The following CPPED1 variants were observed in gnomAD, a reference collection of about 807,000 sequenced individuals.
CPPED1 encodes serine/threonine-protein phosphatase CPPED1.
A neutral mutation model predicts 28.0 loss-of-function variants in CPPED1; 28 were observed. The observed-to-expected ratio is 1.00, with a 90% confidence interval of 0.74 to 1.37. The LOEUF is 1.37. Ranked by LOEUF, CPPED1 falls within the 40% of genes most tolerant of loss-of-function variation. The pLI is 0.00. For missense variants in CPPED1, 504 were observed against 416.5 expected (o/e 1.21, Z -1.83); for synonymous variants, 198 against 180.2 (o/e 1.10, Z -0.79).
intron 3 of CPPED1, among the ~76,000 whole-genome samples, chr16:12,693,363 T>A (rs1387489187): frequency 6.6e-6 from 1 of 152,034 alleles, no homozygotes; most frequent in Non-Finnish European, 1.5e-5. Flanking sequence ...CTGGACTCAT[T>A]TTTTGTGTTT....
intron 2 of CPPED1, among the ~76,000 whole-genome samples, chr16:12,710,240 C>G (rs1014437858): frequency 6.6e-6 from 1 of 151,902 alleles, no homozygotes; most frequent in African/African-American, 2.4e-5. Flanking sequence ...AGAGGTTTAA[C>G]AAGAAGGATT....
intron 2 of CPPED1, chr16:12,753,092 T>A (rs1446081574): frequency 2.0e-5 from 3 of 151,438 alleles, no homozygotes; most frequent in African/African-American, 2.4e-5. Flanking sequence ...ATGATCTAAA[T>A]TTTTTTTTAC....
intron 2 of CPPED1, among the ~76,000 whole-genome samples, chr16:12,769,565 T>C (rs1297046179): frequency 6.6e-6 from 1 of 152,118 alleles, no homozygotes; most frequent in Non-Finnish European, 1.5e-5. Context: ...GTTCCCTAAT[T>C]AGTCATATAA....
chr16:12,794,417 A>C (rs1345267741), intron 1 of CPPED1, among the ~76,000 whole-genome samples: 1 of 151,914 alleles, frequency 6.6e-6, no homozygotes, highest in Admixed American at 6.6e-5. Flanking sequence ...CAGTTGTTAA[A>C]GGAAAAAAAA....
chr16:12,730,409 C>G (rs1012055072), intron 2 of CPPED1, among the ~76,000 whole-genome samples: 2 of 152,214 alleles, frequency 1.3e-5, no homozygotes, highest in African/African-American at 2.4e-5. Flanking sequence ...AAACCCACAT[C>G]TTCCCGATGA....
At chr16:12,767,398 A>T (rs1053663743) in intron 2 of CPPED1, among the ~76,000 whole-genome samples, 2 of 151,998 alleles carry the variant, frequency 1.3e-5, no homozygotes, top group Non-Finnish European at 2.9e-5. Context: ...TCATTCAGTC[A>T]CCCTCACGAA....
At chr16:12,749,750 G>C (rs1047080042) in intron 2 of CPPED1, among the ~76,000 whole-genome samples, 1 of 152,116 alleles carries the variant, frequency 6.6e-6, no homozygotes, top group East Asian at 1.9e-4. Context: ...ACCATACCTG[G>C]CTAATTTTTG....
At chr16:12,800,401 C>G (rs892573700) in intron 1 of CPPED1, among the ~76,000 whole-genome samples, 1 of 145,124 alleles carries the variant, frequency 6.9e-6, no homozygotes, top group Non-Finnish European at 1.5e-5. Context: ...CACTGCACTG[C>G]AGTCTGGGTG....
At chr16:12,740,740 A>G (rs1238585629) in intron 2 of CPPED1, among the ~76,000 whole-genome samples, 1 of 152,194 alleles carries the variant, frequency 6.6e-6, no homozygotes, top group East Asian at 1.9e-4. Flanking sequence ...GGGGTGAAGG[A>G]GAGAATCCCT....
chr16:12,684,799 C>T (rs989273859), intron 3 of CPPED1, among the ~76,000 whole-genome samples: 1 of 152,190 alleles, frequency 6.6e-6, no homozygotes, highest in Non-Finnish European at 1.5e-5. Context: ...CAGAGAGCGG[C>T]CGCTCTGTGA....
At chr16:12,730,912 C>G (rs1345757616) in intron 2 of CPPED1, among the ~76,000 whole-genome samples, 1 of 152,112 alleles carries the variant, frequency 6.6e-6, no homozygotes, top group African/African-American at 2.4e-5. Context: ...TGAGAAACCT[C>G]AATTTTTAGC....
At chr16:12,714,751 T>C (rs932485529) in intron 2 of CPPED1, among the ~76,000 whole-genome samples, 4 of 152,194 alleles carry the variant, frequency 2.6e-5, no homozygotes, top group Admixed American at 1.3e-4. Flanking sequence ...GGCTGTCTTT[T>C]CACTTTTTTG....
chr16:12,664,808 G>A lies in CPPED1; in HGVS notation c.*78C>T, dbSNP rs2079815531. 14 of 1,581,956 alleles carry A rather than the reference G, an allele frequency of 8.8e-6. No homozygotes were observed. In the South Asian group the frequency reaches 1.5e-4, roughly 17 times the overall value. ...CTGGGCTATTTTTATATTTCAGCAA[G>A]AGGTTGTGTGCAGCTGCTGTTTCTG... On this transcript the variant is annotated 3_prime_UTR_variant, in exon 4 of 4. Coordinates refer to ENST00000381774, the MANE Select transcript of CPPED1 (RefSeq NM_018340.3). The surrounding 1 kb of genome is among the most constrained non-coding windows in gnomAD (Gnocchi z 4.2).
chr16:12,668,732 T>C (rs1370233611), intron 3 of CPPED1, among the ~76,000 whole-genome samples: 3 of 152,244 alleles, frequency 2.0e-5, no homozygotes, highest in African/African-American at 7.2e-5. Flanking sequence ...CATGAAAAGA[T>C]GCTCAACATC....
chr16:12,668,854 A>C (rs183717183), intron 3 of CPPED1, among the ~76,000 whole-genome samples: 21 of 152,364 alleles, frequency 1.4e-4, no homozygotes, highest in African/African-American at 5.1e-4. Context: ...GGATTTGGAG[A>C]AATTAGAACC....
intron 3 of CPPED1, among the ~76,000 whole-genome samples, chr16:12,695,490 C>G (rs554916490): frequency 6.6e-6 from 1 of 152,076 alleles, no homozygotes; most frequent in Non-Finnish European, 1.5e-5. Flanking sequence ...GGGCTAGTCT[C>G]GAACTCTTAG....
intron 2 of CPPED1, among the ~76,000 whole-genome samples, chr16:12,740,362 T>A (rs2080248715): frequency 6.6e-6 from 1 of 151,508 alleles, no homozygotes; most frequent in Admixed American, 6.6e-5. Context: ...GGAGAATCTC[T>A]TGAACCTGGG....
intron 2 of CPPED1, among the ~76,000 whole-genome samples, chr16:12,763,602 G>A (rs1465674113): frequency 2.0e-5 from 3 of 152,086 alleles, no homozygotes; most frequent in South Asian, 2.1e-4. Context: ...CCTATGATGC[G>A]AGTACCATTA....
rs1242203689 is a variant in CPPED1, at chr16:12,690,836, C to T, written c.715+13788G>A. On this transcript the variant is annotated intron_variant, in intron 3 of 3. Transcript: ENST00000381774. The stretch of plus-strand genomic sequence containing the variant: ...TGTATTCCACACCAAGTAGGCTCCA[C>T]GGACCCTCACTTGGCAGATCCCTTT... 2.6e-5 allele frequency among the ~76,000 whole-genome samples: 4 copies of T among 152,300 alleles called. No homozygotes were observed. In the East Asian group the frequency reaches 7.7e-4, roughly 30 times the overall value.
Sources: gnomAD v4.1 joint callset for allele counts (sites outside exome capture counted in the v4.1 genomes callset) on GRCh38, gnomAD v4.1.1 for gene constraint, Gnocchi (gnomAD v3.1) non-coding constraint, MANE v1.5 for transcripts, NCBI Gene and HGNC (gene_info 2026-07-23, HGNC 2026-07-21) for gene names.